Variants in CCNY observed in about 807,000 individuals in gnomAD.
CCNY encodes the protein cyclin-Y.
CCNY carries 19 observed loss-of-function variants against 42.8 expected under a neutral mutation model. The observed-to-expected ratio is 0.44, with a 90% CI of 0.31 to 0.65. CCNY has a LOEUF of 0.65. Among genes scored for constraint, CCNY ranks in the 30% least tolerant of loss-of-function variants. CCNY has a pLI of 0.07. For synonymous variants in CCNY, 165 were observed against 162.7 expected, an observed-to-expected ratio of 1.01 and a Z score of -0.11; for missense variants, 370 against 437.3, an observed-to-expected ratio of 0.85 and a Z score of 1.37.
chr10:35,284,214 G>C (rs892109723), intron 3 of CCNY, among the ~76,000 whole-genome samples: 8 of 152,142 alleles, frequency 5.3e-5, no homozygotes, highest in Non-Finnish European at 8.8e-5. Flanking sequence ...CTTACATGAA[G>C]GAGTACCCAG....
intron 1 of CCNY, among the ~76,000 whole-genome samples, chr10:35,370,703 T>C (rs1201832889): frequency 6.6e-6 from 1 of 151,812 alleles, no homozygotes; most frequent in Admixed American, 6.6e-5. Context: ...TATCTGATCT[T>C]GGATAAAACT....
chr10:35,533,391 G>T (rs117499854), intron 7 of CCNY, among the ~76,000 whole-genome samples: 330 of 152,174 alleles, frequency 2.2e-3, no homozygotes, highest in Non-Finnish European at 4.0e-3. Context: ...TTACTGACGG[G>T]GCCTAGCAAG....
At chr10:35,512,827 C>T (rs1368023021) in intron 3 of CCNY, among the ~76,000 whole-genome samples, 1 of 151,810 alleles carries the variant, frequency 6.6e-6, no homozygotes, top group Non-Finnish European at 1.5e-5. Flanking sequence ...GAGGAGGTGT[C>T]GCGGGTGGGA....
rs116739918 is a variant in CCNY, at chr10:35,534,456, A to G, written c.579+4213A>G. On this transcript the variant is annotated intron_variant, in intron 7 of 9. Transcript: ENST00000374704. ...ACAGCAATGGGAGAGGGAGAAAGAG[A>G]GGAAGTTGGTGATTGATGGAGGGAT... 4.5e-3 allele frequency among the ~76,000 whole-genome samples: 685 copies of G among 152,276 alleles called. 5 individuals are homozygous for G. Among genetic ancestry groups the G allele is most frequent in the African/African-American group, 0.016 (653 of 41,558 alleles).
intron 1 of CCNY, among the ~76,000 whole-genome samples, chr10:35,369,198 A>T (rs768604684): frequency 1.3e-5 from 2 of 152,216 alleles, no homozygotes; most frequent in African/African-American, 2.4e-5. Context: ...GGTGCTGGTG[A>T]CTGTGCCTGT....
At chr10:35,278,491 C>A (rs994096045) in intron 3 of CCNY, among the ~76,000 whole-genome samples, 8 of 152,134 alleles carry the variant, frequency 5.3e-5, no homozygotes, top group Admixed American at 5.2e-4. Context: ...TTAGAGTCTG[C>A]TTCCCAGGAC....
chr10:35,344,111 G>C (rs1453657981), intron 1 of CCNY, among the ~76,000 whole-genome samples: 2 of 152,178 alleles, frequency 1.3e-5, no homozygotes, highest in African/African-American at 4.8e-5. Flanking sequence ...GTAGTTTGTT[G>C]CTTGGAGCCT....
intron 1 of CCNY, among the ~76,000 whole-genome samples, chr10:35,374,139 A>G (rs1836999839): frequency 6.6e-6 from 1 of 152,304 alleles, no homozygotes; most frequent in Admixed American, 6.5e-5. Context: ...GGACATATTG[A>G]ATGATTTATA....
chr10:35,534,717 A>C (rs1589189017), intron 7 of CCNY, among the ~76,000 whole-genome samples: 1 of 151,568 alleles, frequency 6.6e-6, no homozygotes, highest in Non-Finnish European at 1.5e-5. Flanking sequence ...CCATAGAGAA[A>C]CCCCTTACCC....
chr10:35,523,375 G>A (rs553805061), intron 4 of CCNY, among the ~76,000 whole-genome samples: 1 of 152,332 alleles, frequency 6.6e-6, no homozygotes, highest in South Asian at 2.1e-4. Context: ...CCTCAGGTTT[G>A]ACAAAAGAGA....
intron 1 of CCNY, among the ~76,000 whole-genome samples, chr10:35,379,504 A>G (rs910286973): frequency 6.6e-6 from 1 of 152,216 alleles, no homozygotes; most frequent in Non-Finnish European, 1.5e-5. Flanking sequence ...ATTTGATTCT[A>G]AATTCAAGAC....
chr10:35,565,936 G>T (rs1457858470), intron 8 of CCNY, 87 bp from the exon 9 acceptor site: 2 of 1,324,170 alleles, frequency 1.5e-6, no homozygotes, highest in East Asian at 2.3e-5. Flanking sequence ...CAGTTTTCTG[G>T]AGTCTGGTCT....
intron 7 of CCNY, among the ~76,000 whole-genome samples, chr10:35,531,594 G>C (rs1840771903): frequency 6.6e-6 from 1 of 152,238 alleles, no homozygotes; most frequent in Admixed American, 6.5e-5. Flanking sequence ...CAACAGGGTT[G>C]AGATTTTTAT....
chr10:35,282,114 C>CTTT lies in CCNY; in HGVS notation c.-9+31508_-9+31510dup, dbSNP rs3066487. On this transcript the variant is annotated intron_variant, in intron 3 of 11. Coordinates refer to the CCNY transcript ENST00000374706. ...TTGTTGAATCTTCCTCATCTACACC[C>CTTT]TTTTTTTTTTTTTTTTTTTTTTGAG... is the stretch of plus-strand genomic sequence containing the variant. Among the ~76,000 whole-genome samples, 30 of 87,888 alleles carry CTTT rather than the reference C, an allele frequency of 3.4e-4. 1 individual carries two copies. The highest frequency in any genetic ancestry group is 4.8e-4 in the Non-Finnish European group (24 of 50,280). The allele number at this position is 87,888 out of a possible 152,430, so 57.7% of individuals were successfully genotyped here. A position where few individuals can be genotyped will look rare whatever the true frequency, so the allele number is the denominator to read the frequency against.
intron 3 of CCNY, among the ~76,000 whole-genome samples, chr10:35,254,699 G>A (rs2095714238): frequency 6.6e-6 from 1 of 151,842 alleles, no homozygotes; most frequent in Admixed American, 6.6e-5. Flanking sequence ...ATGGTGGACT[G>A]AGCCTGTAGT....
At chr10:35,290,230 A>T (rs1367228523) in intron 3 of CCNY, among the ~76,000 whole-genome samples, 2 of 148,894 alleles carry the variant, frequency 1.3e-5, no homozygotes, top group East Asian at 4.0e-4. Context: ...CATCACACAC[A>T]CACACACACA....
intron 1 of CCNY, among the ~76,000 whole-genome samples, chr10:35,360,481 C>T (rs1005290213): frequency 4.6e-5 from 7 of 151,656 alleles, no homozygotes; most frequent in Non-Finnish European, 7.4e-5. Flanking sequence ...GGGGTCTTGC[C>T]GTGCTGCTCA....
intron 3 of CCNY, among the ~76,000 whole-genome samples, chr10:35,505,416 A>C (rs1458825646): frequency 6.6e-6 from 1 of 152,110 alleles, no homozygotes; most frequent in Non-Finnish European, 1.5e-5. Flanking sequence ...AAAAAAAAAA[A>C]CCAAAGCATT....
intron 1 of CCNY, among the ~76,000 whole-genome samples, chr10:35,385,577 C>T (rs1359631176): frequency 6.6e-6 from 1 of 152,222 alleles, no homozygotes; most frequent in Non-Finnish European, 1.5e-5. Context: ...GTGGTTATGC[C>T]ACTGTATACT....
Sources: gnomAD v4.1 joint callset for allele counts (sites outside exome capture counted in the v4.1 genomes callset) on GRCh38, gnomAD v4.1.1 for gene constraint, MANE v1.5 for transcripts, NCBI Gene and HGNC (gene_info 2026-07-23, HGNC 2026-07-21) for gene names.